DCTN4: variants seen among roughly 807,000 people sequenced by gnomAD.
DCTN4 encodes the protein dynactin subunit 4, also known as dynactin 4 (p62).
DCTN4 carries 23 observed loss-of-function variants against 62.7 expected under a neutral mutation model. The ratio of observed to expected loss-of-function variants is 0.37; its 90% CI spans 0.26 to 0.52. The LOEUF is 0.52. Ranked by LOEUF, DCTN4 falls within the 20% of genes least tolerant of loss-of-function variation. The pLI is 0.92. For synonymous variants in DCTN4, 199 were observed against 202.1 expected, an observed-to-expected ratio of 0.98 and a Z score of 0.13; for missense variants, 514 against 580.4, an observed-to-expected ratio of 0.89 and a Z score of 1.18.
Position 150,710,112 on chromosome 5 carries a change from A to C in DCTN4, c.*1037T>G, listed in dbSNP as rs1759505332. 1 of 152,376 alleles carries C rather than the reference A, an allele frequency of 6.6e-6. No homozygotes were observed. The highest frequency in any genetic ancestry group is 2.4e-5 in the African/African-American group (1 of 41,470). The allele number at this position is 152,376 out of a possible 1,614,324, so 9.4% of individuals were successfully genotyped here. ...AAACTTAGTAAGGGGGAAAGTTCTT[A>C]ATATCCAGTTTTGGATTCAAGAGAT... is the stretch of plus-strand genomic sequence containing the variant. On this transcript the variant is annotated 3_prime_UTR_variant, in exon 13 of 13. Coordinates refer to ENST00000447998, the MANE Select transcript of DCTN4 (RefSeq NM_016221.4).
chr5:150,710,143 T>C lies in DCTN4; in HGVS notation c.*1006A>G, dbSNP rs529171322. On this transcript the variant is annotated 3_prime_UTR_variant, in exon 13 of 13. Transcript: ENST00000447998. The stretch of plus-strand genomic sequence containing the variant: ...CAGTTTTGGATTCAAGAGATTATAA[T>C]AGTTAATTTCCCCTTCAAATCAATG... The C allele has an allele frequency of 4.6e-5, 7 of 152,478 alleles. No homozygotes were observed. In the East Asian group the frequency reaches 7.5e-4, roughly 16 times the overall value. The allele number at this position is 152,478 out of a possible 1,614,324, so 9.4% of individuals were successfully genotyped here.
chr5:150,757,952 TA>T (rs1042584839), intron 1 of DCTN4: 31 of 524,088 alleles, frequency 5.9e-5, no homozygotes, highest in East Asian at 1.5e-4. Context: ...TCTTTACCTG[TA>T]AAAAAAATTT....
intron 3 of DCTN4, among the ~76,000 whole-genome samples, chr5:150,747,044 C>T (rs958793556): frequency 8.0e-4 from 121 of 152,136 alleles, no homozygotes; most frequent in East Asian, 2.7e-3. Flanking sequence ...AAAACCCCAT[C>T]GTCTCAGCCC....
intron 10 of DCTN4, among the ~76,000 whole-genome samples, chr5:150,718,985 A>T (rs1581566981): frequency 6.6e-6 from 1 of 150,886 alleles, no homozygotes; most frequent in African/African-American, 2.5e-5. Flanking sequence ...CACCTGGCAA[A>T]TTTTTTGTAT....
chr5:150,748,456 T>G (rs1178465847), intron 3 of DCTN4, among the ~76,000 whole-genome samples: 1 of 152,110 alleles, frequency 6.6e-6, no homozygotes, highest in Non-Finnish European at 1.5e-5. Context: ...CAAAGAACTA[T>G]AAATCATGCT....
At chr5:150,730,961 A>G in intron 7 of DCTN4, 83 bp downstream of exon 7, 6 of 908,924 alleles carry the variant, frequency 6.6e-6, no homozygotes, top group Non-Finnish European at 1.0e-5. Flanking sequence ...TTCCATTAAA[A>G]ATCTCAAATC....
intron 3 of DCTN4, among the ~76,000 whole-genome samples, chr5:150,746,524 A>G (rs1252776455): frequency 1.3e-5 from 2 of 152,186 alleles, no homozygotes; most frequent in African/African-American, 4.8e-5. Context: ...ATGAACATTG[A>G]TGCAAAAATC....
intron 8 of DCTN4, among the ~76,000 whole-genome samples, chr5:150,729,005 C>T (rs1484237753): frequency 7.7e-6 from 1 of 130,488 alleles, no homozygotes; most frequent in Non-Finnish European, 1.5e-5. Context: ...AGCCTCCTGA[C>T]TTGCTGGGAC....
chr5:150,716,241 G>C (rs1237658847), intron 11 of DCTN4, among the ~76,000 whole-genome samples: 1 of 152,136 alleles, frequency 6.6e-6, no homozygotes, highest in African/African-American at 2.4e-5. Context: ...GGAGAAATGG[G>C]TACTTGCCAT....
intron 3 of DCTN4, among the ~76,000 whole-genome samples, chr5:150,743,953 G>A (rs1219040412): frequency 4.6e-5 from 7 of 152,206 alleles, no homozygotes; most frequent in Middle Eastern, 3.2e-3. Flanking sequence ...TGACTTTGAC[G>A]AGTTGAGAGA....
rs1760324695 is a variant in DCTN4, at chr5:150,730,639, G to A, written c.826C>T (p.Arg276Cys). The change falls in exon 8 of 13, where the codon CGC (arginine) becomes TGC (cysteine). Residue 276 changes from arginine (R) to cysteine (C), a missense_variant. Physicochemically the swap from Arg to Cys is radical, Grantham distance 180. Coordinates refer to ENST00000447998, the MANE Select transcript of DCTN4 (RefSeq NM_016221.4). ...CAGAATGGAATACTTACACGGCAGC[G>A]CAGGGACCGTTTGATCAGAAGATGT... ...HKHLLIKRSL[R>C]CRKCEHNLSK... The A allele has an allele frequency of 4.3e-6, 7 of 1,613,438 alleles. No individual in the cohort carries two copies. Among genetic ancestry groups the A allele is most frequent in the African/African-American group, 1.3e-5 (1 of 75,040 alleles).
chr5:150,716,541 A>G (rs921480233), intron 11 of DCTN4, among the ~76,000 whole-genome samples: 7 of 152,238 alleles, frequency 4.6e-5, no homozygotes, highest in Non-Finnish European at 1.0e-4. Flanking sequence ...GGAGGTATAA[A>G]GAGAGCTTTA....
chr5:150,722,254 T>C (rs1438166243), intron 9 of DCTN4, among the ~76,000 whole-genome samples: 1 of 152,220 alleles, frequency 6.6e-6, no homozygotes, highest in Non-Finnish European at 1.5e-5. Context: ...GACAATACTT[T>C]CCTAATTTGT....
chr5:150,719,976 C>T (rs1000443226), intron 9 of DCTN4, among the ~76,000 whole-genome samples: 7 of 152,096 alleles, frequency 4.6e-5, no homozygotes, highest in South Asian at 2.1e-4. Context: ...TGAAATCTTA[C>T]GTATATTTCT....
At chr5:150,722,579 AT>A (rs35239766) in intron 9 of DCTN4, among the ~76,000 whole-genome samples, 10 of 152,036 alleles carry the variant, frequency 6.6e-5, no homozygotes, top group Non-Finnish European at 1.2e-4. Flanking sequence ...TTATTTTTAA[AT>A]TTTTTTTGAA....
intron 3 of DCTN4, among the ~76,000 whole-genome samples, chr5:150,744,693 C>G (rs1035444906): frequency 1.3e-4 from 19 of 151,692 alleles, no homozygotes; most frequent in African/African-American, 4.6e-4. Context: ...CCAAACTAAG[C>G]TTCATAAGTG....
chr5:150,722,941 T>C lies in DCTN4; in HGVS notation c.874A>G (p.Thr292Ala), dbSNP rs1760006233. Residue 292 changes from threonine to alanine, a missense_variant, in exon 9 of 13, where the codon ACG becomes GCG. Transcript: ENST00000447998. Reference sequence around the variant, plus strand: ...AGCTGGATTTTGAATTTGATTGACGTTGGGTTAAATTCTGGCTTGCTCAAA... The same window carrying C: ...AGCTGGATTTTGAATTTGATTGACGCTGGGTTAAATTCTGGCTTGCTCAAA... ...HNLSKPEFNP[T>A]SIKFKIQLVA... The C allele has an allele frequency of 1.2e-6, 2 of 1,613,002 alleles. No homozygotes were observed.
intron 8 of DCTN4, among the ~76,000 whole-genome samples, chr5:150,726,063 A>C (rs1760135244): frequency 6.6e-6 from 1 of 152,122 alleles, no homozygotes; most frequent in Non-Finnish European, 1.5e-5. Context: ...TAAAAAAAAA[A>C]TAAGCTGGTA....
At chr5:150,758,194 CTT>C (rs1752932835) in intron 1 of DCTN4, 4 of 985,424 alleles carry the variant, frequency 4.1e-6, no homozygotes, top group Non-Finnish European at 4.8e-6. Context: ...TATTTGGTGA[CTT>C]TTTACTGGCC....
Sources: gnomAD v4.1 joint callset for allele counts (sites outside exome capture counted in the v4.1 genomes callset) on GRCh38, gnomAD v4.1.1 for gene constraint, MANE v1.5 for transcripts, NCBI Gene and HGNC (gene_info 2026-07-23, HGNC 2026-07-21) for gene names.